The following EYS variants were observed in gnomAD, a reference collection of about 807,000 sequenced individuals.
EYS encodes the protein protein eyes shut homolog.
In EYS, 250 loss-of-function variants were observed where a neutral mutation model predicts 282.1. That is an observed-to-expected ratio of 0.89 (90% CI 0.80 to 0.98). The LOEUF is 0.98. EYS is among the 50% of genes least tolerant of loss of function. The pLI is 0.00. For missense variants in EYS, 4,016 were observed against 3,709.0 expected, an observed-to-expected ratio of 1.08 and a Z score of -2.15; for synonymous variants, 1,355 against 1,282.9, an observed-to-expected ratio of 1.06 and a Z score of -1.20.
chr6:64,643,668 G>C (rs1396298495), intron 22 of EYS, among the ~76,000 whole-genome samples: 1 of 152,190 alleles, frequency 6.6e-6, no homozygotes, highest in Non-Finnish European at 1.5e-5. Context: ...CCAGGGGCTG[G>C]TTACTGAATT....
chr6:64,231,168 C>T (rs770325983), intron 30 of EYS, among the ~76,000 whole-genome samples: 3 of 152,100 alleles, frequency 2.0e-5, no homozygotes, highest in Non-Finnish European at 2.9e-5. Context: ...CATCTTCATG[C>T]TAAGATTGTT....
In EYS at chr6:64,420,255, A is replaced by G. The variant is rs375256718; in HGVS notation, c.5927+15919T>C. On this transcript the variant is annotated intron_variant, in intron 28 of 42. Coordinates refer to ENST00000503581, the MANE Select transcript of EYS (RefSeq NM_001142800.2). ...TTGAGCCACCGCTACAGTGGCTGGA[A>G]TGCAAGGCACCAATTCCCTAGGCTG... 2.6e-4 allele frequency among the ~76,000 whole-genome samples: 39 copies of G among 151,568 alleles called. No individual in the cohort carries two copies. In the South Asian group the frequency reaches 4.6e-3, roughly 18 times the overall value.
chr6:65,443,510 GAC>G (rs1582302574), intron 5 of EYS, among the ~76,000 whole-genome samples: 1 of 151,254 alleles, frequency 6.6e-6, no homozygotes, highest in Non-Finnish European at 1.5e-5. Context: ...TATATGTATA[GAC>G]ACATGTATGT....
intron 2 of EYS, among the ~76,000 whole-genome samples, chr6:65,619,941 C>G (rs1766403052): frequency 1.3e-5 from 2 of 151,410 alleles, no homozygotes; most frequent in Non-Finnish European, 3.0e-5. Flanking sequence ...TGATGTGCTG[C>G]TGGATTCGGT....
At chr6:64,427,761 C>T (rs1774454608) in intron 28 of EYS, among the ~76,000 whole-genome samples, 1 of 151,950 alleles carries the variant, frequency 6.6e-6, no homozygotes, top group South Asian at 2.1e-4. Context: ...CTTCAGAATT[C>T]CTTTTCACAA....
chr6:65,329,797 C>T (rs878998516), intron 11 of EYS: 1 of 982,656 alleles, frequency 1.0e-6, no homozygotes, highest in Non-Finnish European at 1.2e-6. Context: ...TTATACTATA[C>T]TTTTGTGCCA....
chr6:64,997,488 C>T, intron 14 of EYS, 94 bp downstream of exon 14: 3 of 1,182,770 alleles, frequency 2.5e-6, no homozygotes, highest in Non-Finnish European at 3.6e-6. Flanking sequence ...TATATACTAA[C>T]CTAACACACA....
intron 33 of EYS, among the ~76,000 whole-genome samples, chr6:64,037,334 A>T: frequency 6.6e-6 from 1 of 152,202 alleles, no homozygotes; most frequent in East Asian, 1.9e-4. Flanking sequence ...GTATTCAACC[A>T]CATTTAGTAC....
intron 19 of EYS, among the ~76,000 whole-genome samples, chr6:64,848,993 T>C (rs1765801236): frequency 6.6e-6 from 1 of 152,068 alleles, no homozygotes; most frequent in African/African-American, 2.4e-5. Flanking sequence ...ATCATATTGA[T>C]GAGCATAAAG....
intron 5 of EYS, among the ~76,000 whole-genome samples, chr6:65,466,972 T>C (rs1362967378): frequency 6.6e-6 from 1 of 152,160 alleles, no homozygotes; most frequent in Non-Finnish European, 1.5e-5. Context: ...CTATATGTAG[T>C]TTTACAGGTT....
Position 64,983,619 on chromosome 6 carries a change from T to C in EYS, c.2259+13963A>G, listed in dbSNP as rs553163204. Among the ~76,000 whole-genome samples, 106 of 151,542 alleles carry C rather than the reference T, an allele frequency of 7.0e-4. 1 individual carries two copies. Among genetic ancestry groups the C allele is most frequent in the African/African-American group, 2.3e-3 (95 of 41,472 alleles). Reference sequence around the variant, plus strand: ...ATTATAAAGCCCATTTAAGGATTTCTCCTACTTTTTACTTCTGTTGTACTA... The same window carrying C: ...ATTATAAAGCCCATTTAAGGATTTCCCCTACTTTTTACTTCTGTTGTACTA... On this transcript the variant is annotated intron_variant, in intron 14 of 42. Transcript: ENST00000503581.
At chr6:64,862,568 T>G (rs1336191489) in intron 19 of EYS, among the ~76,000 whole-genome samples, 5 of 152,272 alleles carry the variant, frequency 3.3e-5, no homozygotes, top group African/African-American at 1.2e-4. Flanking sequence ...AATATATTAA[T>G]TATAGTTATT....
At chr6:64,093,067 T>C (rs1177141285) in intron 31 of EYS, among the ~76,000 whole-genome samples, 3 of 152,200 alleles carry the variant, frequency 2.0e-5, no homozygotes, top group Non-Finnish European at 2.9e-5. Context: ...TAGTTGTAGA[T>C]ATGTGGCATT....
intron 35 of EYS, among the ~76,000 whole-genome samples, chr6:63,906,966 TG>T (rs1378462861): frequency 6.6e-6 from 1 of 152,022 alleles, no homozygotes; most frequent in African/African-American, 2.4e-5. Flanking sequence ...TGAGGAACAC[TG>T]GTCTAGCTCT....
chr6:65,489,466 TCAGGAAACAA>T (rs1457687089), intron 5 of EYS: 4 of 152,124 alleles, frequency 2.6e-5, no homozygotes, highest in African/African-American at 7.2e-5. Flanking sequence ...CATTAAAAAG[TCAGGAAACAA>T]CAGATGCTAG....
chr6:64,660,157 G>T (rs1476866154), intron 22 of EYS, among the ~76,000 whole-genome samples: 5 of 152,196 alleles, frequency 3.3e-5, no homozygotes, highest in Non-Finnish European at 5.9e-5. Context: ...CTCAATAGAT[G>T]CAGAAAAGGC....
chr6:64,360,160 T>C (rs79462460), intron 29 of EYS, among the ~76,000 whole-genome samples: 2,623 of 151,860 alleles, frequency 0.017, 67 homozygotes, highest in African/African-American at 0.06. Context: ...TTATTCTCAT[T>C]ATTCTAATTC....
chr6:65,352,143 G>T (rs375914311), intron 9 of EYS, among the ~76,000 whole-genome samples: 3 of 151,756 alleles, frequency 2.0e-5, no homozygotes, highest in South Asian at 4.1e-4. Flanking sequence ...TGTCACTAAA[G>T]GTTGTTAACT....
chr6:65,530,945 A>G (rs1767744374), intron 2 of EYS, among the ~76,000 whole-genome samples: 2 of 152,192 alleles, frequency 1.3e-5, no homozygotes, highest in African/African-American at 4.8e-5. Context: ...AATTGCCTAC[A>G]AAATTTTAAT....
Sources: gnomAD v4.1 joint callset for allele counts (sites outside exome capture counted in the v4.1 genomes callset) on GRCh38, gnomAD v4.1.1 for gene constraint, MANE v1.5 for transcripts, NCBI Gene and HGNC (gene_info 2026-07-23, HGNC 2026-07-21) for gene names.